Variants in UPF3A observed in about 807,000 individuals in gnomAD.
The protein encoded by UPF3A is regulator of nonsense transcripts 3A.
In UPF3A, 42 loss-of-function variants were observed where a neutral mutation model predicts 53.5. The observed-to-expected ratio is 0.78, with a 90% CI of 0.61 to 1.01. The LOEUF (loss-of-function observed/expected upper bound fraction) is 1.01, where lower values mean the gene tolerates loss of function less well. Ranked by LOEUF, UPF3A falls within the 50% of genes least tolerant of loss-of-function variation. The pLI, the probability that UPF3A is intolerant of heterozygous loss-of-function variation, is 0.00. For missense variants in UPF3A, 575 were observed against 598.0 expected (o/e 0.96, Z 0.40); for synonymous variants, 237 against 225.3 (o/e 1.05, Z -0.47).
Position 114,298,941 on chromosome 13 carries a change from C to A in UPF3A, c.948C>A (p.Ala316=). Residue 316 remains alanine (A), a synonymous_variant, in exon 8 of 10, where the codon GCC becomes GCA. Transcript: ENST00000375299. ...GAGGTGGCAAGCAGGAATCCTGTGC[C>A]CCCGGTGCAGTCGTAAAAGCCAGGC... ...DTGGGKQESC[A]PGAVVKARPM... 1 of 1,610,704 alleles carries A rather than the reference C, an allele frequency of 6.2e-7. No individual in the cohort carries two copies. Among genetic ancestry groups the A allele is most frequent in the Non-Finnish European group, 8.5e-7 (1 of 1,178,658 alleles).
intron 8 of UPF3A, 21 bp downstream of exon 8, chr13:114,299,021 A>G (rs1394968424): frequency 6.3e-7 from 1 of 1,577,144 alleles, no homozygotes; most frequent in Non-Finnish European, 8.6e-7. Context: ...TTTCATTGTT[A>G]TGACCACGTC....
rs1308433364 is a variant in UPF3A at position 114,282,715 on chromosome 13, G to A, written c.315-122G>A. 17 of 1,497,702 alleles carry A rather than the reference G, an allele frequency of 1.1e-5. No individual in the cohort carries two copies. The East Asian group carries it at 4.2e-4, about 37-fold the overall frequency. The allele number at this position is 1,497,702 out of a possible 1,614,324, so 92.8% of individuals were successfully genotyped here. Reference sequence around the variant, plus strand: ...TATCCAAGTTGTTACAATTAACTGAGATGATTTGGCACAAAAGTTTTATCT... The same window carrying A: ...TATCCAAGTTGTTACAATTAACTGAAATGATTTGGCACAAAAGTTTTATCT... On this transcript the variant is annotated intron_variant, in intron 2 of 9. Coordinates refer to ENST00000375299, the MANE Select transcript of UPF3A (RefSeq NM_023011.4).
At chr13:114,288,362 T>C (rs1218910465) in intron 5 of UPF3A, among the ~76,000 whole-genome samples, 1 of 152,044 alleles carries the variant, frequency 6.6e-6, no homozygotes, top group Non-Finnish European at 1.5e-5. Context: ...AAGATAGTGG[T>C]GGAGCTGGAG....
Position 114,291,703 on chromosome 13 carries a change from GAAA to G in UPF3A, c.761_763del (p.Lys254del), listed in dbSNP as rs547217587. ...AGAAAAGAAACGTTTGCGGGAAGAG[GAAA>G]AAAGAAGAAGAAGAGAAGAAGAAAG... On this transcript the variant is annotated inframe_deletion, in exon 7 of 10. Transcript: ENST00000375299. 6.6e-5 allele frequency: 106 copies of G among 1,596,600 alleles called. No individual in the cohort carries two copies. The East Asian group carries it at 2.0e-3, about 31-fold the overall frequency.
chr13:114,284,534 TAAAA>T (rs535271853), intron 3 of UPF3A, among the ~76,000 whole-genome samples: 2 of 126,536 alleles, frequency 1.6e-5, no homozygotes, highest in Non-Finnish European at 3.4e-5. Context: ...CTGTCTCTAC[TAAAA>T]AAAAAAAAAA....
At position 114,282,084 on chromosome 13, in the gene UPF3A, C is replaced by A. The variant is rs772680705; in HGVS notation, c.271C>A (p.Leu91Met). The A allele has an allele frequency of 1.3e-6, 2 of 1,580,252 alleles. No individual in the cohort carries two copies. The highest frequency in any genetic ancestry group is 2.3e-5 in the East Asian group (1 of 43,118). The change falls in exon 2 of 10, where the codon CTG (leucine) becomes ATG (methionine). Residue 91 changes from leucine to methionine, a missense_variant. By Grantham distance (15) the Leu-to-Met change is conservative (BLOSUM62 2). Coordinates refer to ENST00000375299, the MANE Select transcript of UPF3A (RefSeq NM_023011.4). ...KEQLEEQLRP[L>M]PAHDYFEFFA... is the part of the protein sequence containing the mutation. Reference sequence around the variant, plus strand: ...GCAGCTGGAGGAGCAGCTGCGCCCGCTGCCAGCACACGACTACTTCGAGTT... The same window carrying A: ...GCAGCTGGAGGAGCAGCTGCGCCCGATGCCAGCACACGACTACTTCGAGTT...
At chr13:114,293,159 G>A (rs937886946) in intron 7 of UPF3A, among the ~76,000 whole-genome samples, 5 of 151,614 alleles carry the variant, frequency 3.3e-5, no homozygotes, top group South Asian at 4.2e-4. Context: ...CGAGGCAGGC[G>A]GATTACTTGA....
chr13:114,297,723 A>G (rs113641859), intron 7 of UPF3A, among the ~76,000 whole-genome samples: 13,316 of 152,088 alleles, frequency 0.088, 665 homozygotes, highest in Middle Eastern at 0.13. Flanking sequence ...CAGCTACTTG[A>G]GAGGCTGAGG....
intron 2 of UPF3A, 103 bp downstream of exon 2, chr13:114,282,230 G>A: frequency 1.0e-6 from 1 of 968,332 alleles, no homozygotes; most frequent in Non-Finnish European, 1.5e-6. Context: ...CTCCTATATG[G>A]GAGTCGTGTG....
chr13:114,292,933 T>C (rs9590507), intron 7 of UPF3A, among the ~76,000 whole-genome samples: 48,257 of 151,516 alleles, frequency 0.32, 9,906 homozygotes, highest in African/African-American at 0.59. Flanking sequence ...ATTAGCCAGG[T>C]GTGGTGGCGG....
chr13:114,291,061 A>G (rs1056910406), intron 5 of UPF3A, among the ~76,000 whole-genome samples: 9 of 152,154 alleles, frequency 5.9e-5, no homozygotes, highest in African/African-American at 2.2e-4. Flanking sequence ...CTAAACTACA[A>G]TCCAGAGTTG....
chr13:114,298,690 C>T, intron 7 of UPF3A, 150 bp from the exon 8 acceptor site: 4 of 804,168 alleles, frequency 5.0e-6, no homozygotes, highest in Non-Finnish European at 3.6e-6. Context: ...CGTATTAAAC[C>T]AAAAACCTCA....
rs191315480 is a variant in UPF3A at position 114,282,095 on chromosome 13, C to T, written c.282C>T (p.His94=). The T allele has an allele frequency of 3.2e-6, 5 of 1,577,316 alleles. No individual in the cohort carries two copies. In the African/African-American group the frequency reaches 4.0e-5, roughly 13 times the overall value. The change falls in exon 2 of 10, where the codon CAC becomes CAT. Residue 94 remains histidine (H), a synonymous_variant. Coordinates refer to ENST00000375299, the MANE Select transcript of UPF3A (RefSeq NM_023011.4). The part of the protein sequence containing the change: ...LEEQLRPLPA[H]DYFEFFAADL... Reference sequence around the variant, plus strand: ...AGCAGCTGCGCCCGCTGCCAGCACACGACTACTTCGAGTTCTTCGCCGCCG... The same window carrying T: ...AGCAGCTGCGCCCGCTGCCAGCACATGACTACTTCGAGTTCTTCGCCGCCG...
At chr13:114,287,927 C>A (rs960652996) in intron 5 of UPF3A, among the ~76,000 whole-genome samples, 1 of 152,184 alleles carries the variant, frequency 6.6e-6, no homozygotes, top group Non-Finnish European at 1.5e-5. Flanking sequence ...CTGCCTCAGC[C>A]TCCTGAGTAG....
intron 5 of UPF3A, 37 bp from the exon 6 acceptor site, chr13:114,291,451 TA>T: frequency 6.6e-7 from 1 of 1,510,714 alleles, no homozygotes; most frequent in African/African-American, 1.4e-5. Context: ...CATCTTTCTT[TA>T]GGAGTTAAAT....
intron 8 of UPF3A, among the ~76,000 whole-genome samples, chr13:114,299,832 C>A (rs898015836): frequency 2.6e-5 from 4 of 152,218 alleles, no homozygotes; most frequent in Non-Finnish European, 5.9e-5. Context: ...ACTTGGCCCA[C>A]AGGGGATGAT....
intron 8 of UPF3A, among the ~76,000 whole-genome samples, chr13:114,301,426 T>G (rs929843697): frequency 6.6e-6 from 1 of 151,486 alleles, no homozygotes; most frequent in Non-Finnish European, 1.5e-5. Context: ...TCCCGCCATT[T>G]TACTCCAGCC....
Position 114,284,134 on chromosome 13 carries a change from C to T in UPF3A, c.421+1191C>T, listed in dbSNP as rs866946186. ...ATCCCAGCACTTTAGGAGGCCAAGGCGGGTGGATCACGAGGTCAGGAGTTC... is the reference window on the plus strand; with the variant it reads ...ATCCCAGCACTTTAGGAGGCCAAGGTGGGTGGATCACGAGGTCAGGAGTTC... On this transcript the variant is annotated intron_variant, in intron 3 of 9. Transcript: ENST00000375299. 7.6e-5 allele frequency: 71 copies of T among 929,286 alleles called. No homozygotes were observed. The African/African-American group carries it at 1.1e-3, about 14-fold the overall frequency. 57.6% of individuals were successfully genotyped at this position (929,286 alleles called of 1,614,324 possible).
intron 8 of UPF3A, among the ~76,000 whole-genome samples, chr13:114,300,695 A>G (rs184951137): frequency 1.3e-5 from 2 of 152,132 alleles, no homozygotes; most frequent in East Asian, 3.9e-4. Flanking sequence ...ATGCCCCTCC[A>G]TGCCTGGCTA....
Sources: allele counts gnomAD v4.1 joint callset (sites outside exome capture counted in the v4.1 genomes callset), GRCh38; gene constraint gnomAD v4.1.1; transcripts MANE v1.5; gene names NCBI Gene and HGNC (gene_info 2026-07-23, HGNC 2026-07-21).